PARD3B: variants seen among roughly 807,000 people sequenced by gnomAD.
PARD3B encodes par-3 family cell polarity regulator beta, also known as partitioning defective 3 homolog B.
Under a neutral mutation model 130.2 loss-of-function variants are expected in PARD3B, and 103 were observed. That is an observed-to-expected ratio of 0.79 (90% CI 0.67 to 0.93). PARD3B has a LOEUF of 0.93. Among genes scored for constraint, PARD3B ranks in the 40% least tolerant of loss-of-function variants. The pLI is 0.00. For missense variants in PARD3B, 1,609 were observed against 1,499.2 expected (o/e 1.07, Z -1.21); for synonymous variants, 583 against 553.2 (o/e 1.05, Z -0.76).
chr2:205,143,910 A>G (rs1157071057), intron 10 of PARD3B, among the ~76,000 whole-genome samples: 1 of 152,230 alleles, frequency 6.6e-6, no homozygotes, highest in Non-Finnish European at 1.5e-5. Context: ...TCAGAGAAAT[A>G]TAAATTCTAT....
chr2:205,410,645 A>G lies in PARD3B; in HGVS notation c.2741+9522A>G, dbSNP rs1029328861. On this transcript the variant is annotated intron_variant, in intron 19 of 22. Coordinates refer to ENST00000406610, the MANE Select transcript of PARD3B (RefSeq NM_001302769.2). Reference sequence around the variant, plus strand: ...CTGTAGGCCGGTTTGGGGCTGGATAATATACTAGTAATCTTAATTTGCTGA... The same window carrying G: ...CTGTAGGCCGGTTTGGGGCTGGATAGTATACTAGTAATCTTAATTTGCTGA... Among the ~76,000 whole-genome samples, 11 of 152,268 alleles carry G rather than the reference A, an allele frequency of 7.2e-5. No homozygotes were observed. The South Asian group carries it at 8.3e-4, about 11-fold the overall frequency.
chr2:204,992,795 T>C (rs201092297), intron 3 of PARD3B, among the ~76,000 whole-genome samples: 3,756 of 145,006 alleles, frequency 0.026, 78 homozygotes, highest in South Asian at 0.05. Flanking sequence ...GTCCTTCCCA[T>C]CCCTTGTAAG....
At chr2:204,846,473 C>T (rs1434501687) in intron 2 of PARD3B, among the ~76,000 whole-genome samples, 1 of 151,714 alleles carries the variant, frequency 6.6e-6, no homozygotes, top group Non-Finnish European at 1.5e-5. Flanking sequence ...ATTGTCATTG[C>T]TGTGGACACA....
chr2:205,401,401 CT>C (rs1025219562), intron 19 of PARD3B, among the ~76,000 whole-genome samples: 2 of 151,468 alleles, frequency 1.3e-5, no homozygotes, highest in African/African-American at 4.8e-5. Flanking sequence ...TTCTCCATGT[CT>C]TTTTTTTTCC....
At chr2:204,880,645 G>A (rs572854601) in intron 2 of PARD3B, among the ~76,000 whole-genome samples, 100 of 124,688 alleles carry the variant, frequency 8.0e-4, no homozygotes, top group African/African-American at 2.9e-3. Context: ...GTGACAGAGC[G>A]AGACTCCATC....
intron 1 of PARD3B, among the ~76,000 whole-genome samples, chr2:204,557,026 G>C (rs560006094): frequency 6.7e-6 from 1 of 149,808 alleles, no homozygotes; most frequent in South Asian, 2.1e-4. Context: ...TTTTGAGACA[G>C]AGTCTCACCC....
intron 5 of PARD3B, among the ~76,000 whole-genome samples, chr2:205,104,772 T>C (rs1304369534): frequency 6.6e-6 from 1 of 152,212 alleles, no homozygotes; most frequent in African/African-American, 2.4e-5. Flanking sequence ...AAATACTTTT[T>C]TCTCTCCTCA....
Position 204,635,276 on chromosome 2 carries a change from G to A in PARD3B, c.121-50905G>A, listed in dbSNP as rs369711649. On this transcript the variant is annotated intron_variant, in intron 1 of 22. Transcript: ENST00000406610. ...TCAGCTGTTTCTCCTTGGAGCTTTG[G>A]TTTCTTAGAGTGGGAAATGGTATTT... Among the ~76,000 whole-genome samples, 360 of 152,228 alleles carry A rather than the reference G, an allele frequency of 2.4e-3. 3 individuals carry two copies. The highest frequency in any genetic ancestry group is 8.4e-3 in the African/African-American group (349 of 41,546).
In PARD3B at chr2:204,673,673, T is replaced by C. The variant is rs943139838; in HGVS notation, c.121-12508T>C. Among the ~76,000 whole-genome samples the C allele has an allele frequency of 2.6e-5, 4 of 152,172 alleles. No individual in the cohort carries two copies. Among genetic ancestry groups the C allele is most frequent in the South Asian group, 4.1e-4 (2 of 4,830 alleles). On this transcript the variant is annotated intron_variant, in intron 1 of 22. Coordinates refer to ENST00000406610, the MANE Select transcript of PARD3B (RefSeq NM_001302769.2). This position sits in a 1 kb window ranked among gnomAD's most constrained non-coding sequence, Gnocchi z 4.7. ...CCGGGCCTGACCCCTTATTTAAAAA[T>C]ACAAACTGCCTGTACTCCCCATCCT... is the stretch of plus-strand genomic sequence containing the variant.
At chr2:204,718,944 T>G (rs1452956429) in intron 2 of PARD3B, among the ~76,000 whole-genome samples, 1 of 152,186 alleles carries the variant, frequency 6.6e-6, no homozygotes, top group Non-Finnish European at 1.5e-5. Flanking sequence ...CCTGACATAT[T>G]TAATCAAATT....
Position 205,562,586 on chromosome 2 carries a change from A to G in PARD3B, c.3260+9183A>G, listed in dbSNP as rs2053176820. Among the ~76,000 whole-genome samples the G allele has an allele frequency of 6.6e-6, 1 of 152,182 alleles. No individual in the cohort carries two copies. The highest frequency in any genetic ancestry group is 2.1e-4 in the South Asian group (1 of 4,820). Reference sequence around the variant, plus strand: ...CTTGCATGTTTTCCCTCCTGCACATATTAAAGGGAATTTTAGCATTTATTT... The same window carrying G: ...CTTGCATGTTTTCCCTCCTGCACATGTTAAAGGGAATTTTAGCATTTATTT... On this transcript the variant is annotated intron_variant, in intron 22 of 22. Transcript: ENST00000406610. The surrounding 1 kb of genome is among the most constrained non-coding windows in gnomAD (Gnocchi z 5.4).
intron 1 of PARD3B, among the ~76,000 whole-genome samples, chr2:204,681,854 A>G (rs1470511759): frequency 6.6e-6 from 1 of 152,178 alleles, no homozygotes; most frequent in Non-Finnish European, 1.5e-5. Flanking sequence ...GTTATGTGCA[A>G]GTACATTTTT....
chr2:204,649,539 T>C (rs1452206011), intron 1 of PARD3B, among the ~76,000 whole-genome samples: 15 of 151,766 alleles, frequency 9.9e-5, no homozygotes, highest in African/African-American at 3.4e-4. Context: ...ATGGTACTGG[T>C]AAACAACACC....
intron 2 of PARD3B, among the ~76,000 whole-genome samples, chr2:204,905,427 G>A (rs1240620204): frequency 6.6e-6 from 1 of 152,130 alleles, no homozygotes; most frequent in Non-Finnish European, 1.5e-5. Flanking sequence ...CTTTAAATGT[G>A]TTAAATAAAT....
intron 16 of PARD3B, among the ~76,000 whole-genome samples, chr2:205,290,266 A>G (rs1474731803): frequency 2.0e-5 from 3 of 152,140 alleles, no homozygotes; most frequent in Non-Finnish European, 2.9e-5. Flanking sequence ...CTCTGGTGTT[A>G]TTAGTTCATG....
At chr2:205,251,036 C>A (rs968955098) in intron 16 of PARD3B, among the ~76,000 whole-genome samples, 2 of 152,156 alleles carry the variant, frequency 1.3e-5, no homozygotes, top group African/African-American at 4.8e-5. Flanking sequence ...TGCTTTGGGG[C>A]AATTTATATT....
chr2:204,571,044 G>A (rs2031974625), intron 1 of PARD3B, among the ~76,000 whole-genome samples: 1 of 152,172 alleles, frequency 6.6e-6, no homozygotes, highest in Non-Finnish European at 1.5e-5. Flanking sequence ...TGTATAAGCT[G>A]TTATAACTGA....
intron 19 of PARD3B, among the ~76,000 whole-genome samples, chr2:205,423,236 G>A (rs1005590608): frequency 5.3e-5 from 8 of 152,182 alleles, no homozygotes; most frequent in African/African-American, 1.9e-4. Flanking sequence ...TGTGTCCTCA[G>A]TGTGCATGCG....
intron 2 of PARD3B, among the ~76,000 whole-genome samples, chr2:204,909,307 G>GCA (rs1363561400): frequency 6.6e-6 from 1 of 152,054 alleles, no homozygotes; most frequent in African/African-American, 2.4e-5. Flanking sequence ...AAAAACAGAT[G>GCA]CACACACACA....
Sources: gnomAD v4.1 joint callset for allele counts (sites outside exome capture counted in the v4.1 genomes callset) on GRCh38, gnomAD v4.1.1 for gene constraint, Gnocchi (gnomAD v3.1) non-coding constraint, MANE v1.5 for transcripts, NCBI Gene and HGNC (gene_info 2026-07-23, HGNC 2026-07-21) for gene names.